The following DNAJC15 variants were observed in gnomAD, a reference collection of about 807,000 sequenced individuals.
DNAJC15 encodes DnaJ heat shock protein family (Hsp40) member C15.
In DNAJC15, 27 loss-of-function variants were observed where a neutral mutation model predicts 22.4. The ratio of observed to expected loss-of-function variants is 1.20; its 90% confidence interval spans 0.89 to 1.66. The LOEUF (loss-of-function observed/expected upper bound fraction) is 1.66. Ranked by LOEUF, DNAJC15 falls within the 40% of genes most tolerant of loss-of-function variation. The pLI, the probability that DNAJC15 is intolerant of heterozygous loss-of-function variation, is 0.00. For synonymous variants in DNAJC15, 79 were observed against 63.2 expected, an observed-to-expected ratio of 1.25 and a Z score of -1.19; for missense variants, 208 against 187.1, an observed-to-expected ratio of 1.11 and a Z score of -0.65.
intron 5 of DNAJC15, among the ~76,000 whole-genome samples, chr13:43,095,998 C>T (rs1008018224): frequency 5.9e-5 from 9 of 151,458 alleles, no homozygotes; most frequent in African/African-American, 2.2e-4. Context: ...GGGAAAAATG[C>T]TGTTTTTTGT....
At chr13:43,027,238 T>G (rs1270282309) in intron 1 of DNAJC15, among the ~76,000 whole-genome samples, 1 of 152,226 alleles carries the variant, frequency 6.6e-6, no homozygotes, top group East Asian at 1.9e-4. Flanking sequence ...TTACTTTTAT[T>G]TTTCTTCAAT....
rs1464698909 is a variant in DNAJC15 at position 43,108,754 on chromosome 13, A to G, written c.*1506A>G. ...ACAAAAATGGTTCCAGATATTGCCA[A>G]ATGCCCTTTAGAGGACAGTAATCGC... On this transcript the variant is annotated 3_prime_UTR_variant, in exon 6 of 6. Coordinates refer to ENST00000379221, the MANE Select transcript of DNAJC15 (RefSeq NM_013238.3). 1 of 152,188 alleles carries G rather than the reference A, an allele frequency of 6.6e-6. No homozygotes were observed. The highest frequency in any genetic ancestry group is 1.5e-5 in the Non-Finnish European group (1 of 68,038). 9.4% of individuals were successfully genotyped at this position (152,188 alleles called of 1,614,324 possible).
chr13:43,029,993 TAAAA>T (rs953672601), intron 1 of DNAJC15, among the ~76,000 whole-genome samples: 2 of 143,146 alleles, frequency 1.4e-5, no homozygotes, highest in Non-Finnish European at 3.1e-5. Context: ...CTTCAGGAAT[TAAAA>T]AAAGAATAAG....
intron 1 of DNAJC15, among the ~76,000 whole-genome samples, chr13:43,026,966 G>A (rs2040383423): frequency 6.6e-6 from 1 of 152,124 alleles, no homozygotes; most frequent in South Asian, 2.1e-4. Context: ...AAGAACTAAT[G>A]TTCATTAGCC....
At chr13:43,087,380 TTGA>T (rs1463026646) in intron 5 of DNAJC15, among the ~76,000 whole-genome samples, 8 of 152,166 alleles carry the variant, frequency 5.3e-5, no homozygotes, top group African/African-American at 1.4e-4. Flanking sequence ...ACTTCTCTCT[TTGA>T]TGGAGTTGAG....
intron 5 of DNAJC15, among the ~76,000 whole-genome samples, chr13:43,098,700 G>C (rs1250221374): frequency 2.0e-5 from 3 of 152,124 alleles, no homozygotes; most frequent in African/African-American, 7.2e-5. Context: ...AACCCCTTTA[G>C]CTATTGTCCC....
At chr13:43,038,158 A>G (rs2040437243) in intron 1 of DNAJC15, among the ~76,000 whole-genome samples, 1 of 152,148 alleles carries the variant, frequency 6.6e-6, no homozygotes, top group Non-Finnish European at 1.5e-5. Context: ...CTTCGGATAA[A>G]TTTTTTGAAT....
chr13:43,048,956 G>T (rs879780406), intron 1 of DNAJC15, among the ~76,000 whole-genome samples: 4 of 150,734 alleles, frequency 2.7e-5, no homozygotes, highest in African/African-American at 9.7e-5. Flanking sequence ...GCAGCCTTGT[G>T]AATTTTTTTT....
intron 5 of DNAJC15, among the ~76,000 whole-genome samples, chr13:43,097,808 A>G (rs1477224525): frequency 6.6e-6 from 1 of 152,110 alleles, no homozygotes; most frequent in Non-Finnish European, 1.5e-5. Flanking sequence ...GTGGTGGCAC[A>G]TGCCTGTAAT....
intron 5 of DNAJC15, among the ~76,000 whole-genome samples, chr13:43,093,882 CTT>C (rs1417725658): frequency 6.6e-6 from 1 of 152,140 alleles, no homozygotes; most frequent in Non-Finnish European, 1.5e-5. Context: ...TTGCACATCT[CTT>C]TTAATGTCTG....
chr13:43,065,484 A>C (rs981285089), intron 1 of DNAJC15, among the ~76,000 whole-genome samples: 1 of 152,172 alleles, frequency 6.6e-6, no homozygotes, highest in Admixed American at 6.5e-5. Context: ...AAAATCTAGA[A>C]TCAGTTCACT....
At chr13:43,068,426 T>C (rs999187841) in intron 2 of DNAJC15, among the ~76,000 whole-genome samples, 1 of 152,146 alleles carries the variant, frequency 6.6e-6, no homozygotes, top group African/African-American at 2.4e-5. Flanking sequence ...GTATTTCATA[T>C]GTAATTGCTT....
At chr13:43,097,807 C>T (rs1411836861) in intron 5 of DNAJC15, among the ~76,000 whole-genome samples, 3 of 152,040 alleles carry the variant, frequency 2.0e-5, no homozygotes, top group Non-Finnish European at 4.4e-5. Context: ...CGTGGTGGCA[C>T]ATGCCTGTAA....
At chr13:43,099,269 G>A (rs571432248) in intron 5 of DNAJC15, among the ~76,000 whole-genome samples, 1 of 152,118 alleles carries the variant, frequency 6.6e-6, no homozygotes, top group South Asian at 2.1e-4. Flanking sequence ...TTATTTATTA[G>A]GTCTAATAGT....
rs201355168 is a variant in DNAJC15 at position 43,028,671 on chromosome 13, C to CTATA, written c.108+4938_108+4941dup. Among the ~76,000 whole-genome samples, 433 of 152,278 alleles carry CTATA rather than the reference C, an allele frequency of 2.8e-3. 2 individuals are homozygous for CTATA. The highest frequency in any genetic ancestry group is 1.0e-2 in the African/African-American group (414 of 41,554). Reference sequence around the variant, plus strand: ...CCCCTACATTGCACTGTACCCTGTACTATAGTTACATTAAGTTTCCTTCAT... The same window carrying CTATA: ...CCCCTACATTGCACTGTACCCTGTACTATATATAGTTACATTAAGTTTCCTTCAT... On this transcript the variant is annotated intron_variant, in intron 1 of 5. Coordinates refer to ENST00000379221, the MANE Select transcript of DNAJC15 (RefSeq NM_013238.3).
intron 5 of DNAJC15, among the ~76,000 whole-genome samples, chr13:43,100,719 A>G (rs1320799626): frequency 1.3e-5 from 2 of 152,186 alleles, no homozygotes; most frequent in East Asian, 3.8e-4. Flanking sequence ...TCCTCTGTGC[A>G]TTTGAGAAAA....
chr13:43,070,913 A>G (rs913070790), intron 3 of DNAJC15, among the ~76,000 whole-genome samples: 10 of 152,190 alleles, frequency 6.6e-5, no homozygotes, highest in Admixed American at 4.6e-4. Flanking sequence ...GTAAGCGGGT[A>G]TTGAGATAGT....
Position 43,113,973 on chromosome 13 carries a change from C to T in DNAJC15, c.*6725C>T, listed in dbSNP as rs746275226. ...GGGACTTAGGTAATCAGTTTGCCTT[C>T]TACTCTATCTCATTTTGTACTCGCT... On this transcript the variant is annotated 3_prime_UTR_variant, in exon 6 of 6. Coordinates refer to ENST00000379221, the MANE Select transcript of DNAJC15 (RefSeq NM_013238.3). 2 of 152,170 alleles carry T rather than the reference C, an allele frequency of 1.3e-5. No homozygotes were observed. Among genetic ancestry groups the T allele is most frequent in the African/African-American group, 4.8e-5 (2 of 41,434 alleles). 9.4% of individuals were successfully genotyped at this position (152,170 alleles called of 1,614,324 possible).
chr13:43,065,985 A>AT (rs894146071), intron 2 of DNAJC15, among the ~76,000 whole-genome samples: 3 of 152,084 alleles, frequency 2.0e-5, no homozygotes, highest in South Asian at 4.2e-4. Flanking sequence ...TATTCCTGGC[A>AT]TTTTTTTTCA....
Sources: allele counts gnomAD v4.1 joint callset (sites outside exome capture counted in the v4.1 genomes callset), GRCh38; gene constraint gnomAD v4.1.1; transcripts MANE v1.5; gene names NCBI Gene and HGNC (gene_info 2026-07-23, HGNC 2026-07-21).